The following CADM2 variants were observed in gnomAD, a reference collection of about 807,000 sequenced individuals.
CADM2 encodes immunoglobulin superfamily member 4D.
CADM2 carries 12 observed loss-of-function variants against 49.8 expected under a neutral mutation model. The observed-to-expected ratio is 0.24, with a 90% CI of 0.15 to 0.39. The LOEUF is 0.39. CADM2 is among the 10% of genes least tolerant of loss of function. The probability of loss-of-function intolerance (pLI) is 1.00; values close to 1 mark genes in which losing one functional copy is unlikely to be tolerated. For synonymous variants in CADM2, 214 were observed against 175.4 expected (o/e 1.22, Z -1.74); for missense variants, 378 against 492.3 (o/e 0.77, Z 2.20).
chr3:86,051,926 T>C (rs1559826463), intron 8 of CADM2, among the ~76,000 whole-genome samples: 1 of 152,082 alleles, frequency 6.6e-6, no homozygotes, highest in Non-Finnish European at 1.5e-5. Flanking sequence ...TTTGACATGA[T>C]ATTTGGTGGG....
At chr3:85,795,637 T>C (rs115306155) in intron 2 of CADM2, among the ~76,000 whole-genome samples, 2 of 152,192 alleles carry the variant, frequency 1.3e-5, no homozygotes, top group African/African-American at 4.8e-5. Context: ...AAACATTAGT[T>C]TCTTTCTTCT....
At chr3:85,041,581 A>G (rs1325277254) in intron 1 of CADM2, among the ~76,000 whole-genome samples, 1 of 152,154 alleles carries the variant, frequency 6.6e-6, no homozygotes, top group Non-Finnish European at 1.5e-5. Flanking sequence ...TCTTCCAGGT[A>G]CCAAGGCTCT....
rs1188739375 is a variant in CADM2 at position 86,039,736 on chromosome 3, T to C, written c.971-25869T>C. ...TGCCTGACAGCTTTGAAGAGAGTAGTGGTTCTCCCAGCAGGCAGCTGGAGA... is the reference window on the plus strand; with the variant it reads ...TGCCTGACAGCTTTGAAGAGAGTAGCGGTTCTCCCAGCAGGCAGCTGGAGA... On this transcript the variant is annotated intron_variant, in intron 8 of 9. Coordinates refer to ENST00000383699, the MANE Select transcript of CADM2 (RefSeq NM_001167675.2). 2.0e-5 allele frequency among the ~76,000 whole-genome samples: 3 copies of C among 152,252 alleles called. No individual in the cohort carries two copies. In the East Asian group the frequency reaches 5.8e-4, roughly 30 times the overall value.
At chr3:85,852,795 ATACT>A (rs1559701139) in intron 3 of CADM2, among the ~76,000 whole-genome samples, 1 of 152,054 alleles carries the variant, frequency 6.6e-6, no homozygotes, top group Non-Finnish European at 1.5e-5. Context: ...ACTTTGAATT[ATACT>A]TATTTGCTTA....
chr3:85,365,728 C>T (rs992865159), intron 1 of CADM2, among the ~76,000 whole-genome samples: 2 of 152,116 alleles, frequency 1.3e-5, no homozygotes, highest in African/African-American at 4.8e-5. Flanking sequence ...CTATTTCAAG[C>T]ACACATGCAG....
intron 1 of CADM2, among the ~76,000 whole-genome samples, chr3:85,528,362 A>G (rs1275519269): frequency 1.3e-5 from 2 of 152,138 alleles, no homozygotes; most frequent in Non-Finnish European, 2.9e-5. Context: ...ATAAAATCTT[A>G]CTGTTTTCTC....
intron 1 of CADM2, among the ~76,000 whole-genome samples, chr3:85,607,461 G>A (rs368010019): frequency 1.3e-5 from 2 of 152,050 alleles, no homozygotes; most frequent in Non-Finnish European, 2.9e-5. Flanking sequence ...TGAAGAACTA[G>A]TAATACTGTG....
rs191907500 is a variant in CADM2 at position 85,181,439 on chromosome 3, G to T, written c.61+221771G>T. On this transcript the variant is annotated intron_variant, in intron 1 of 9. Transcript: ENST00000383699. Reference sequence around the variant, plus strand: ...AAAAGTAATTAAACAATAAAAAGTAGTATTTGTTAGAAAACTGAAGTGTAA... The same window carrying T: ...AAAAGTAATTAAACAATAAAAAGTATTATTTGTTAGAAAACTGAAGTGTAA... Among the ~76,000 whole-genome samples, 3 of 152,132 alleles carry T rather than the reference G, an allele frequency of 2.0e-5. No homozygotes were observed. In the East Asian group the frequency reaches 5.8e-4, roughly 29 times the overall value.
intron 1 of CADM2, among the ~76,000 whole-genome samples, chr3:85,457,655 G>A (rs2038055261): frequency 6.6e-6 from 1 of 152,040 alleles, no homozygotes; most frequent in Non-Finnish European, 1.5e-5. Flanking sequence ...TTAGGACATA[G>A]ATGAATAATA....
At chr3:85,298,424 A>G (rs1043135507) in intron 1 of CADM2, among the ~76,000 whole-genome samples, 1 of 152,102 alleles carries the variant, frequency 6.6e-6, no homozygotes. Context: ...GGATATTTCC[A>G]CATAAATATG....
intron 3 of CADM2, among the ~76,000 whole-genome samples, chr3:85,818,391 A>T (rs2073348547): frequency 6.6e-6 from 1 of 152,140 alleles, no homozygotes; most frequent in Non-Finnish European, 1.5e-5. Flanking sequence ...AGCAGCATAA[A>T]GTGAGAGGGG....
chr3:85,244,623 C>T (rs1360164984), intron 1 of CADM2, among the ~76,000 whole-genome samples: 3 of 152,180 alleles, frequency 2.0e-5, no homozygotes, highest in South Asian at 2.1e-4. Context: ...AGAGCAATAG[C>T]GTAAGTATAA....
chr3:85,199,370 T>TGTGTGTGTGTGTGAGAGAGAGAGAGAGA (rs1553694531), intron 1 of CADM2, among the ~76,000 whole-genome samples: 3 of 140,106 alleles, frequency 2.1e-5, no homozygotes, highest in African/African-American at 8.5e-5. Flanking sequence ...TGTGTGTGTA[T>TGTGTGTGTGTGTGAGAGAGAGAGAGAGA]GAGAGAGAGA....
intron 8 of CADM2, among the ~76,000 whole-genome samples, chr3:85,997,680 A>C (rs1298180192): frequency 1.3e-5 from 2 of 152,174 alleles, no homozygotes; most frequent in African/African-American, 4.8e-5. Context: ...AATAGGGAAA[A>C]GATGATGTTT....
chr3:85,997,303 A>C (rs1729549200), intron 8 of CADM2, among the ~76,000 whole-genome samples: 1 of 152,154 alleles, frequency 6.6e-6, no homozygotes, highest in Non-Finnish European at 1.5e-5. Flanking sequence ...CTATAACTTA[A>C]TTTTATTAGA....
At chr3:85,705,047 A>T (rs1247810737) in intron 1 of CADM2, among the ~76,000 whole-genome samples, 30 of 140,966 alleles carry the variant, frequency 2.1e-4, no homozygotes, top group Admixed American at 1.2e-3. Context: ...TTTTTTTTTT[A>T]AATAGAGACG....
At chr3:85,860,314 A>G (rs2075477966) in intron 3 of CADM2, among the ~76,000 whole-genome samples, 1 of 152,182 alleles carries the variant, frequency 6.6e-6, no homozygotes, top group Admixed American at 6.6e-5. Context: ...TGGAGGCTAC[A>G]GACTATTGAA....
chr3:85,547,286 T>C lies in CADM2; in HGVS notation c.62-179236T>C, dbSNP rs80310079. ...GCACTTGGAAATTTGGGCATGGCGATTTCATAAAATTCAAGCTGCTATTTA... is the reference window on the plus strand; with the variant it reads ...GCACTTGGAAATTTGGGCATGGCGACTTCATAAAATTCAAGCTGCTATTTA... On this transcript the variant is annotated intron_variant, in intron 1 of 9. Transcript: ENST00000383699. Among the ~76,000 whole-genome samples, 1,440 of 152,296 alleles carry C rather than the reference T, an allele frequency of 9.5e-3. 22 individuals are homozygous for C. Among genetic ancestry groups the C allele is most frequent in the African/African-American group, 0.031 (1,280 of 41,572 alleles).
At chr3:85,507,431 C>T (rs938283532) in intron 1 of CADM2, among the ~76,000 whole-genome samples, 84 of 152,136 alleles carry the variant, frequency 5.5e-4, no homozygotes, top group Admixed American at 4.6e-3. Flanking sequence ...CCAAGTGATC[C>T]GCCTGCCTCA....
Sources: allele counts gnomAD v4.1 joint callset (sites outside exome capture counted in the v4.1 genomes callset), GRCh38; gene constraint gnomAD v4.1.1; transcripts MANE v1.5; gene names NCBI Gene and HGNC (gene_info 2026-07-23, HGNC 2026-07-21).